The following LEO1 variants were observed in gnomAD, a reference collection of about 807,000 sequenced individuals.
LEO1 encodes the protein RNA polymerase-associated protein LEO1.
Under a neutral mutation model 80.4 loss-of-function variants are expected in LEO1, and 34 were observed. That is an observed-to-expected ratio of 0.42 (90% CI 0.32 to 0.56). LEO1 has a LOEUF of 0.56. Among genes scored for constraint, LEO1 ranks in the 20% least tolerant of loss-of-function variants. The pLI, the probability that LEO1 is intolerant of heterozygous loss-of-function variation, is 0.10. For missense variants in LEO1, 631 were observed against 814.2 expected (o/e 0.77, Z 2.74); for synonymous variants, 262 against 274.9 (o/e 0.95, Z 0.46).
chr15:51,950,455 C>T (rs542994754), intron 9 of LEO1, among the ~76,000 whole-genome samples: 25 of 152,318 alleles, frequency 1.6e-4, no homozygotes, highest in African/African-American at 6.0e-4. Flanking sequence ...CCCAGCCCCT[C>T]AGCCCCTCAA....
rs1271914479 is a variant in LEO1, at chr15:51,966,471, T to G, written c.92A>C (p.Gln31Pro). The G allele has an allele frequency of 1.9e-6, 3 of 1,611,028 alleles. No individual in the cohort carries two copies. In the African/African-American group the frequency reaches 4.0e-5, roughly 22 times the overall value. Reference protein sequence around the residue: ...SDSGSDSDSDQENAASGSNAS... With the variant: ...SDSGSDSDSDPENAASGSNAS... The stretch of plus-strand genomic sequence containing the variant: ...ATTACTGCCAGAGGCAGCATTCTCT[T>G]GATCAGAATCTGAGTCAGATCCAGA... The change falls in exon 2 of 12, where the codon CAA becomes CCA. Residue 31 changes from glutamine (Q) to proline (P), a missense_variant. Around this residue, in one of 4 missense-constraint regions of LEO1, gnomAD observed 394 missense variants for 395.6 expected, o/e 1.00. Coordinates refer to ENST00000299601, the MANE Select transcript of LEO1 (RefSeq NM_138792.4).
intron 6 of LEO1, among the ~76,000 whole-genome samples, chr15:51,957,794 G>A (rs1445909989): frequency 6.6e-6 from 1 of 152,296 alleles, no homozygotes; most frequent in East Asian, 1.9e-4. Context: ...GCCGAGGTGG[G>A]TGGATCACCT....
At chr15:51,942,856 A>T (rs1401133424) in intron 11 of LEO1, among the ~76,000 whole-genome samples, 2 of 144,114 alleles carry the variant, frequency 1.4e-5, no homozygotes, top group African/African-American at 5.1e-5. Context: ...CAGGAGGTGG[A>T]GGTTGCAGTG....
At chr15:51,951,176 AG>A (rs2056945841) in intron 9 of LEO1, among the ~76,000 whole-genome samples, 1 of 152,242 alleles carries the variant, frequency 6.6e-6, no homozygotes, top group African/African-American at 2.4e-5. Flanking sequence ...TAATCACAAG[AG>A]GCAGGGTGGG....
chr15:51,951,756 A>T, intron 9 of LEO1, 88 bp downstream of exon 9: 1 of 1,190,454 alleles, frequency 8.4e-7, no homozygotes, highest in Non-Finnish European at 1.2e-6. Context: ...AAGGTAGGCC[A>T]ATAAGAGATG....
intron 11 of LEO1, among the ~76,000 whole-genome samples, chr15:51,945,524 AC>A (rs1452646835): frequency 6.6e-6 from 1 of 152,146 alleles, no homozygotes; most frequent in African/African-American, 2.4e-5. Flanking sequence ...GCTTCCCTGA[AC>A]AGCATTTCTA....
At position 51,966,411 on chromosome 15, in the gene LEO1, C is replaced by T. The variant is rs774261054; in HGVS notation, c.152G>A (p.Gly51Asp). ...CTTATTACTTGGTTGTCCTGAATCA[C>T]CTCTTTCATCCTGATCACTTTCACT... ...SGSESDQDER[G>D]DSGQPSNKEL... The change falls in exon 2 of 12, where the codon GGT becomes GAT. Residue 51 changes from glycine (G) to aspartate (D), a missense_variant. By Grantham distance (94) the Gly-to-Asp change is moderately conservative (BLOSUM62 -1). Around this residue, in one of 4 missense-constraint regions of LEO1, gnomAD observed 394 missense variants for 395.6 expected, o/e 1.00. Coordinates refer to ENST00000299601, the MANE Select transcript of LEO1 (RefSeq NM_138792.4). 2.5e-6 allele frequency: 4 copies of T among 1,614,048 alleles called. No individual in the cohort carries two copies. The highest frequency in any genetic ancestry group is 1.7e-5 in the Admixed American group (1 of 60,000).
At chr15:51,945,123 C>G (rs953420313) in intron 11 of LEO1, among the ~76,000 whole-genome samples, 1 of 152,002 alleles carries the variant, frequency 6.6e-6, no homozygotes, top group Non-Finnish European at 1.5e-5. Flanking sequence ...GAATAAAAAA[C>G]CAAAATAAAA....
In LEO1 at chr15:51,939,190, AAAAT is replaced by A. The variant is rs544893545; in HGVS notation, c.1897-934_1897-931del. Among the ~76,000 whole-genome samples, 289 of 152,352 alleles carry A rather than the reference AAAAT, an allele frequency of 1.9e-3. 7 individuals are homozygous for A. The highest frequency in any genetic ancestry group is 0.015 in the Admixed American group (232 of 15,308). ...ACAGAGCAAGCAAGACTCCGTCTCA[AAAAT>A]AAATAAATAAATAAAAATTAAAAAT... is the stretch of plus-strand genomic sequence containing the variant. On this transcript the variant is annotated intron_variant, in intron 11 of 11. Coordinates refer to ENST00000299601, the MANE Select transcript of LEO1 (RefSeq NM_138792.4).
At chr15:51,947,873 G>A (rs909012018) in intron 10 of LEO1, among the ~76,000 whole-genome samples, 3 of 152,026 alleles carry the variant, frequency 2.0e-5, no homozygotes, top group Non-Finnish European at 4.4e-5. Context: ...TTAGATATGC[G>A]GAAATGAAGC....
Position 51,966,060 on chromosome 15 carries a change from G to T in LEO1, c.503C>A (p.Ala168Glu). 6.2e-7 allele frequency: 1 copy of T among 1,613,878 alleles called. No individual in the cohort carries two copies. The highest frequency in any genetic ancestry group is 8.5e-7 in the Non-Finnish European group (1 of 1,180,006). Residue 168 changes from alanine to glutamate, a missense_variant, in exon 2 of 12, where the codon GCA becomes GAA. Coordinates refer to ENST00000299601, the MANE Select transcript of LEO1 (RefSeq NM_138792.4). ...KIQNSDDEER[A>E]QGSDEDKLQN... ...CAGCTTATCTTCATCAGATCCTTGT[G>T]CCCTCTCCTCATCATCAGAATTTTG...
chr15:51,962,085 C>G (rs974205737), intron 3 of LEO1, among the ~76,000 whole-genome samples: 1 of 151,790 alleles, frequency 6.6e-6, no homozygotes, highest in African/African-American at 2.4e-5. Context: ...ATTGCTTGAA[C>G]CCAGGAGGCA....
At position 51,965,787 on chromosome 15, in the gene LEO1, C is replaced by T. The variant is rs952229572; in HGVS notation, c.776G>A (p.Arg259Lys). The change falls in exon 2 of 12, where the codon AGG becomes AAG. Residue 259 changes from arginine (R) to lysine (K), a missense_variant. By Grantham distance (26) the Arg-to-Lys change is conservative. Transcript: ENST00000299601. The part of the protein sequence containing the change: ...ERPQASDEEH[R>K]HSDDEEEQDH... Reference sequence around the variant, plus strand: ...CTGTTCCTCTTCATCATCTGAATGCCTGTGTTCTTCATCTGAGGCCTGTGG... The same window carrying T: ...CTGTTCCTCTTCATCATCTGAATGCTTGTGTTCTTCATCTGAGGCCTGTGG... 5 of 1,612,538 alleles carry T rather than the reference C, an allele frequency of 3.1e-6. No homozygotes were observed. The South Asian group carries it at 5.5e-5, about 18-fold the overall frequency.
intron 10 of LEO1, among the ~76,000 whole-genome samples, chr15:51,949,342 C>A (rs1293971786): frequency 6.6e-6 from 1 of 152,144 alleles, no homozygotes; most frequent in Non-Finnish European, 1.5e-5. Context: ...GGAACAACAG[C>A]AGTTCCTACC....
intron 2 of LEO1, among the ~76,000 whole-genome samples, chr15:51,964,193 G>T (rs562761799): frequency 6.6e-6 from 1 of 151,350 alleles, no homozygotes; most frequent in East Asian, 1.9e-4. Flanking sequence ...GAGACAGAGC[G>T]AGACTCCGTC....
chr15:51,947,154 AC>A, intron 11 of LEO1, 137 bp downstream of exon 11: 1 of 708,698 alleles, frequency 1.4e-6, no homozygotes, highest in South Asian at 1.5e-5. Context: ...CTGTCTTGTT[AC>A]TGCATTTATC....
intron 2 of LEO1, among the ~76,000 whole-genome samples, chr15:51,963,667 C>A (rs918791214): frequency 7.9e-5 from 12 of 151,912 alleles, no homozygotes; most frequent in African/African-American, 2.7e-4. Context: ...TTTGGGAGGC[C>A]AAGGTGGGCA....
chr15:51,959,397 T>A (rs2057013254), intron 5 of LEO1, among the ~76,000 whole-genome samples: 1 of 152,220 alleles, frequency 6.6e-6, no homozygotes, highest in African/African-American at 2.4e-5. Flanking sequence ...TTCTTCTTCT[T>A]ATGTAACTCT....
chr15:51,970,283 G>A (rs1372659480), intron 1 of LEO1, among the ~76,000 whole-genome samples: 1 of 152,082 alleles, frequency 6.6e-6, no homozygotes, highest in East Asian at 1.9e-4. Context: ...TCAGCCTTCT[G>A]AGTACCTGGG....
Sources: allele counts gnomAD v4.1 joint callset (sites outside exome capture counted in the v4.1 genomes callset), GRCh38; gene constraint gnomAD v4.1.1; regional missense constraint gnomAD v4.1.1; transcripts MANE v1.5; gene names NCBI Gene and HGNC (gene_info 2026-07-23, HGNC 2026-07-21).